Variants in OR6N1 observed in about 807,000 individuals in gnomAD.
The protein encoded by OR6N1 is olfactory receptor family 6 subfamily N member 1.
For missense variants in OR6N1, 394 were observed against 371.7 expected (o/e 1.06, Z -0.49); for synonymous variants, 170 against 150.7 (o/e 1.13, Z -0.94).
the OR6N1 span, among the ~76,000 whole-genome samples, chr1:158,794,948 C>T: frequency 2.1e-3 from 323 of 152,200 alleles, 1 homozygote; most frequent in Middle Eastern, 0.024. Flanking sequence ...GGTGGGTGTC[C>T]CAAAGCTCCC....
the OR6N1 span, among the ~76,000 whole-genome samples, chr1:158,793,179 GTTTT>G: frequency 6.8e-6 from 1 of 147,294 alleles, no homozygotes; most frequent in African/African-American, 2.5e-5. Context: ...ATATCCTGAA[GTTTT>G]TTTTTTATTT....
At chr1:158,817,370 C>T in the OR6N1 span, among the ~76,000 whole-genome samples, 285 of 152,266 alleles carry the variant, frequency 1.9e-3, 2 homozygotes, top group Middle Eastern at 6.8e-3. Context: ...AAAATGAGAA[C>T]GTTGAACTAA....
At chr1:158,835,618 GGGC>G in the OR6N1 span, among the ~76,000 whole-genome samples, 1,580 of 88,394 alleles carry the variant, frequency 0.018, 60 homozygotes, top group African/African-American at 0.063. Flanking sequence ...TTTTTGGTGG[GGGC>G]GGGGGGTGGG....
the OR6N1 span, chr1:158,831,350 C>G: frequency 6.6e-6 from 1 of 152,186 alleles, no homozygotes; most frequent in Admixed American, 6.5e-5. Flanking sequence ...GGAATTAGGA[C>G]AGTGTAAGAA....
chr1:158,777,250 G>T, the OR6N1 span: 1 of 1,614,088 alleles, frequency 6.2e-7, no homozygotes, highest in Non-Finnish European at 8.5e-7. Context: ...GTAGTGGAGG[G>T]GCCGACAAAT....
chr1:158,772,842 C>T (rs559438263), upstream of OR6N1, among the ~76,000 whole-genome samples: 1 of 152,254 alleles, frequency 6.6e-6, no homozygotes, highest in East Asian at 1.9e-4. Flanking sequence ...ATTTTGAATA[C>T]TCTTGCCACA....
chr1:158,824,239 G>A, the OR6N1 span, among the ~76,000 whole-genome samples: 1 of 151,990 alleles, frequency 6.6e-6, no homozygotes, highest in South Asian at 2.1e-4. Flanking sequence ...GTTTTATAAG[G>A]GGGAGTTTCT....
the OR6N1 span, chr1:158,808,429 G>A: frequency 1.3e-5 from 2 of 152,988 alleles, no homozygotes; most frequent in South Asian, 2.1e-4. Flanking sequence ...GCCCAGCCAT[G>A]ACTCTCCTTA....
At chr1:158,783,398 T>A in the OR6N1 span, among the ~76,000 whole-genome samples, 1 of 152,232 alleles carries the variant, frequency 6.6e-6, no homozygotes, top group Non-Finnish European at 1.5e-5. Context: ...ATATTTCATA[T>A]GAAAATAGAA....
chr1:158,815,040 C>T, the OR6N1 span, among the ~76,000 whole-genome samples: 1 of 151,862 alleles, frequency 6.6e-6, no homozygotes. Flanking sequence ...GAAGCTCTGC[C>T]CTAAGGAAGA....
intron 1 of OR6N1, among the ~76,000 whole-genome samples, chr1:158,770,130 A>T (rs1432947944): frequency 6.6e-6 from 1 of 152,172 alleles, no homozygotes; most frequent in African/African-American, 2.4e-5. Context: ...CTAAATTTTC[A>T]GATCTACATG....
the OR6N1 span, among the ~76,000 whole-genome samples, chr1:158,807,746 G>A: frequency 6.6e-6 from 1 of 152,102 alleles, no homozygotes; most frequent in Non-Finnish European, 1.5e-5. Context: ...GACTAAATCT[G>A]CCACTCCTAG....
chr1:158,830,494 T>A, the OR6N1 span, among the ~76,000 whole-genome samples: 1 of 152,192 alleles, frequency 6.6e-6, no homozygotes, highest in African/African-American at 2.4e-5. Flanking sequence ...ACATTTTGCT[T>A]ACAGATCAGC....
At chr1:158,824,669 TACA>T in the OR6N1 span, among the ~76,000 whole-genome samples, 1 of 152,110 alleles carries the variant, frequency 6.6e-6, no homozygotes, top group Non-Finnish European at 1.5e-5. Flanking sequence ...CCCACATACC[TACA>T]ACCATCTGAT....
chr1:158,828,775 C>T, the OR6N1 span, among the ~76,000 whole-genome samples: 2 of 152,216 alleles, frequency 1.3e-5, no homozygotes, highest in Non-Finnish European at 2.9e-5. Flanking sequence ...TTCTGCACTG[C>T]CCTAGCAGAG....
the OR6N1 span, among the ~76,000 whole-genome samples, chr1:158,834,259 G>A: frequency 1.4e-5 from 2 of 144,492 alleles, no homozygotes; most frequent in African/African-American, 5.3e-5. Context: ...TTGAGACGGA[G>A]TTTCGCCCTG....
chr1:158,822,047 T>C, the OR6N1 span, among the ~76,000 whole-genome samples: 3 of 152,330 alleles, frequency 2.0e-5, no homozygotes, highest in Admixed American at 1.3e-4. Flanking sequence ...CATCTTTTCA[T>C]ATGCTTATTT....
the OR6N1 span, among the ~76,000 whole-genome samples, chr1:158,838,293 C>T: frequency 3.3e-5 from 5 of 152,040 alleles, no homozygotes; most frequent in East Asian, 9.7e-4. Context: ...AATCCTTCAG[C>T]TTATGTTTAT....
chr1:158,812,555 C>G, the OR6N1 span, among the ~76,000 whole-genome samples: 10 of 152,086 alleles, frequency 6.6e-5, no homozygotes, highest in Non-Finnish European at 1.5e-4. Context: ...ACTAAGAGTG[C>G]TATAGTGTTC....
Sources: gnomAD v4.1 joint callset for allele counts (sites outside exome capture counted in the v4.1 genomes callset) on GRCh38, gnomAD v4.1.1 for gene constraint, MANE v1.5 for transcripts, NCBI Gene and HGNC (gene_info 2026-07-23, HGNC 2026-07-21) for gene names.